Variants in CNTLN observed in about 807,000 individuals in gnomAD.
CNTLN encodes the protein centlein, centrosomal protein.
Under a neutral mutation model 180.0 loss-of-function variants are expected in CNTLN, and 212 were observed. That is an observed-to-expected ratio of 1.18 (90% CI 1.05 to 1.32). The LOEUF is 1.32. Among genes scored for constraint, CNTLN ranks in the 40% most tolerant of loss-of-function variants. The pLI is 0.00. For synonymous variants in CNTLN, 722 were observed against 563.1 expected, an observed-to-expected ratio of 1.28 and a Z score of -3.99; for missense variants, 2,095 against 1,610.9, an observed-to-expected ratio of 1.30 and a Z score of -5.14.
intron 1 of CNTLN, among the ~76,000 whole-genome samples, chr9:17,140,941 C>G (rs1230133103): frequency 6.6e-6 from 1 of 151,892 alleles, no homozygotes; most frequent in Non-Finnish European, 1.5e-5. Context: ...AATCCATAAG[C>G]CATAATTGAA....
chr9:17,463,765 A>G (rs552698262), intron 20 of CNTLN, among the ~76,000 whole-genome samples: 1 of 151,694 alleles, frequency 6.6e-6, no homozygotes, highest in African/African-American at 2.4e-5. Context: ...CTAGATTAAC[A>G]CTCTTTGAAT....
At chr9:17,298,938 C>T (rs902903506) in intron 7 of CNTLN, 2 of 984,912 alleles carry the variant, frequency 2.0e-6, no homozygotes, top group African/African-American at 1.7e-5. Context: ...ATTTAATCTA[C>T]TAATTAAAAA....
At chr9:17,186,848 T>C (rs1821463102) in intron 2 of CNTLN, among the ~76,000 whole-genome samples, 1 of 152,118 alleles carries the variant, frequency 6.6e-6, no homozygotes, top group South Asian at 2.1e-4. Flanking sequence ...TATATAATGC[T>C]TGAGTCCTAC....
At chr9:17,204,484 T>C (rs1026054884) in intron 2 of CNTLN, among the ~76,000 whole-genome samples, 2 of 152,194 alleles carry the variant, frequency 1.3e-5, no homozygotes, top group African/African-American at 4.8e-5. Context: ...CCTGCTTGGC[T>C]GGGTATCACC....
chr9:17,361,788 C>G (rs1823411480), intron 12 of CNTLN, among the ~76,000 whole-genome samples: 1 of 152,218 alleles, frequency 6.6e-6, no homozygotes, highest in Admixed American at 6.5e-5. Flanking sequence ...TATTTGCTTT[C>G]TCTCAGGGAT....
chr9:17,243,611 G>A (rs1031593538), intron 5 of CNTLN, among the ~76,000 whole-genome samples: 9 of 152,114 alleles, frequency 5.9e-5, no homozygotes, highest in African/African-American at 2.2e-4. Context: ...TCCATGTGAT[G>A]TGTCATTTCC....
chr9:17,496,020 C>T (rs1833436082), intron 25 of CNTLN, among the ~76,000 whole-genome samples: 2 of 152,110 alleles, frequency 1.3e-5, no homozygotes, highest in African/African-American at 2.4e-5. Flanking sequence ...CCAAAATTGC[C>T]TAACAATGTA....
At chr9:17,368,537 G>T (rs1824024172) in intron 13 of CNTLN, among the ~76,000 whole-genome samples, 1 of 152,184 alleles carries the variant, frequency 6.6e-6, no homozygotes, top group Non-Finnish European at 1.5e-5. Context: ...AGTGGGCCTT[G>T]GGTGAGACTC....
intron 5 of CNTLN, among the ~76,000 whole-genome samples, chr9:17,265,251 G>A (rs554371193): frequency 6.7e-5 from 10 of 150,258 alleles, no homozygotes; most frequent in Admixed American, 4.6e-4. Context: ...TTAGCATGAA[G>A]CATTGTTGAA....
intron 12 of CNTLN, among the ~76,000 whole-genome samples, chr9:17,359,734 A>AAAAAAAAAACC (rs1823176864): frequency 8.7e-6 from 1 of 114,438 alleles, no homozygotes; most frequent in Non-Finnish European, 1.9e-5. Context: ...ACAAAAAAAA[A>AAAAAAAAAACC]AAAAAAAAAA....
At chr9:17,283,822 C>T (rs925432020) in intron 6 of CNTLN, among the ~76,000 whole-genome samples, 2 of 152,048 alleles carry the variant, frequency 1.3e-5, no homozygotes, top group African/African-American at 2.4e-5. Flanking sequence ...TGAATTTTAT[C>T]GAAGGCCTTT....
At chr9:17,422,689 C>T (rs1828804627) in intron 18 of CNTLN, among the ~76,000 whole-genome samples, 2 of 152,266 alleles carry the variant, frequency 1.3e-5, no homozygotes, top group South Asian at 4.1e-4. Context: ...TCACATATCT[C>T]TGTCACCCTG....
intron 6 of CNTLN, among the ~76,000 whole-genome samples, chr9:17,289,869 T>G (rs539958403): frequency 7.4e-6 from 1 of 134,372 alleles, no homozygotes; most frequent in Non-Finnish European, 1.6e-5. Context: ...TCAGCTCCTT[T>G]AAGCACTTCT....
At chr9:17,200,602 T>C (rs1822455143) in intron 2 of CNTLN, among the ~76,000 whole-genome samples, 1 of 152,166 alleles carries the variant, frequency 6.6e-6, no homozygotes, top group South Asian at 2.1e-4. Context: ...GTAGCAATTG[T>C]GAATGGGAGT....
intron 1 of CNTLN, among the ~76,000 whole-genome samples, chr9:17,142,083 GAA>G (rs1180057903): frequency 1.7e-5 from 1 of 57,726 alleles, no homozygotes; most frequent in Non-Finnish European, 3.5e-5. Context: ...CTCTGTCTCA[GAA>G]AAAAAAAAAA....
chr9:17,378,674 A>G (rs1167435214), intron 13 of CNTLN, among the ~76,000 whole-genome samples: 1 of 151,904 alleles, frequency 6.6e-6, no homozygotes, highest in Non-Finnish European at 1.5e-5. Context: ...CTTTTCTTTT[A>G]CAATTTGGAT....
chr9:17,186,333 T>C (rs1242896827), intron 2 of CNTLN, among the ~76,000 whole-genome samples: 1 of 152,152 alleles, frequency 6.6e-6, no homozygotes, highest in Non-Finnish European at 1.5e-5. Context: ...AGAAACTGGG[T>C]AGTTGTCATG....
chr9:17,479,397 A>G (rs1832519293), intron 23 of CNTLN, among the ~76,000 whole-genome samples: 1 of 152,180 alleles, frequency 6.6e-6, no homozygotes, highest in African/African-American at 2.4e-5. Context: ...AACATGGATA[A>G]ACTCCGACGG....
chr9:17,524,138 A>G, the CNTLN span, among the ~76,000 whole-genome samples: 2 of 152,260 alleles, frequency 1.3e-5, no homozygotes, highest in African/African-American at 4.8e-5. Flanking sequence ...TTTCCAGAGA[A>G]GCAGAACTAA....
Sources: allele counts gnomAD v4.1 joint callset (sites outside exome capture counted in the v4.1 genomes callset), GRCh38; gene constraint gnomAD v4.1.1; transcripts MANE v1.5; gene names NCBI Gene and HGNC (gene_info 2026-07-23, HGNC 2026-07-21).